SNX24: variants seen among roughly 807,000 people sequenced by gnomAD.
SNX24 encodes the protein sorting nexin-24.
SNX24 carries 22 observed loss-of-function variants against 28.7 expected under a neutral mutation model. The ratio of observed to expected loss-of-function variants is 0.77; its 90% CI spans 0.55 to 1.10. The LOEUF (loss-of-function observed/expected upper bound fraction) is 1.10. Among genes scored for constraint, SNX24 ranks in the 50% least tolerant of loss-of-function variants. SNX24 has a pLI of 0.00. For synonymous variants in SNX24, 69 were observed against 71.5 expected, an observed-to-expected ratio of 0.96 and a Z score of 0.18; for missense variants, 221 against 201.1, an observed-to-expected ratio of 1.10 and a Z score of -0.60.
intron 1 of SNX24, among the ~76,000 whole-genome samples, chr5:122,930,944 G>C (rs890118563): frequency 6.6e-6 from 1 of 152,116 alleles, no homozygotes; most frequent in Non-Finnish European, 1.5e-5. Flanking sequence ...ATGTCGTTTT[G>C]TTAAAAAGTT....
chr5:122,904,540 T>A (rs1757569311), intron 1 of SNX24, among the ~76,000 whole-genome samples: 1 of 152,198 alleles, frequency 6.6e-6, no homozygotes, highest in Non-Finnish European at 1.5e-5. Flanking sequence ...AATTATTTTT[T>A]AATTATTTTA....
chr5:122,901,627 G>A (rs1007787387), intron 1 of SNX24, among the ~76,000 whole-genome samples: 14 of 152,042 alleles, frequency 9.2e-5, no homozygotes, highest in African/African-American at 3.4e-4. Context: ...GGTTTACTTG[G>A]CCTCTCACTC....
chr5:123,009,239 G>A, downstream of SNX24: 1 of 984,140 alleles, frequency 1.0e-6, no homozygotes, highest in South Asian at 4.7e-5. Context: ...GATTTCACTG[G>A]AAACATGGTT....
chr5:122,893,591 A>AT (rs1757075610), intron 1 of SNX24, among the ~76,000 whole-genome samples: 1 of 152,176 alleles, frequency 6.6e-6, no homozygotes, highest in South Asian at 2.1e-4. Context: ...ATGACATTTC[A>AT]TTTTGTATCT....
chr5:122,958,688 C>T (rs1355086969), intron 3 of SNX24, among the ~76,000 whole-genome samples: 1 of 150,912 alleles, frequency 6.6e-6, no homozygotes, highest in East Asian at 2.0e-4. Flanking sequence ...CCTACTTGGT[C>T]ATACTTTATA....
At chr5:122,896,450 A>C (rs1368329381) in intron 1 of SNX24, among the ~76,000 whole-genome samples, 1 of 152,236 alleles carries the variant, frequency 6.6e-6, no homozygotes, top group East Asian at 1.9e-4. Context: ...ACTTAGCTGC[A>C]GCTGGCGAAT....
chr5:122,977,821 C>T (rs919123786), intron 3 of SNX24, among the ~76,000 whole-genome samples: 4 of 152,140 alleles, frequency 2.6e-5, no homozygotes, highest in African/African-American at 9.7e-5. Context: ...ATAGAGAGTT[C>T]TATTGTTTGA....
intron 3 of SNX24, among the ~76,000 whole-genome samples, chr5:122,989,583 AT>A (rs1438973597): frequency 6.6e-6 from 1 of 151,920 alleles, no homozygotes; most frequent in East Asian, 1.9e-4. Context: ...AGGGTATATT[AT>A]TTTCATTAGT....
At chr5:122,914,892 G>T (rs559814793) in intron 1 of SNX24, among the ~76,000 whole-genome samples, 1 of 152,124 alleles carries the variant, frequency 6.6e-6, no homozygotes, top group Admixed American at 6.6e-5. Context: ...GGGAATTTAG[G>T]TATGGATGTG....
intron 1 of SNX24, among the ~76,000 whole-genome samples, chr5:122,878,193 G>T (rs1381547302): frequency 6.6e-6 from 1 of 152,152 alleles, no homozygotes; most frequent in African/African-American, 2.4e-5. Flanking sequence ...CCACTTCCTT[G>T]TTTTGTTCAC....
chr5:122,856,525 C>CTTTTTTT (rs1184957460), intron 1 of SNX24, among the ~76,000 whole-genome samples: 2 of 131,582 alleles, frequency 1.5e-5, no homozygotes, highest in Non-Finnish European at 3.2e-5. Context: ...AGTTCTGTGT[C>CTTTTTTT]TTTTTTTTTT....
chr5:122,940,476 C>T (rs1759393374), intron 2 of SNX24, among the ~76,000 whole-genome samples: 1 of 152,160 alleles, frequency 6.6e-6, no homozygotes, highest in Non-Finnish European at 1.5e-5. Flanking sequence ...TCCACCACAT[C>T]ATAGATATTG....
At chr5:122,845,731 C>T (rs1444031889) in intron 1 of SNX24, 38 bp downstream of exon 1, 3 of 1,283,970 alleles carry the variant, frequency 2.3e-6, no homozygotes, top group Non-Finnish European at 3.0e-6. Flanking sequence ...CCCCGCGAGC[C>T]AGGCCTGCGG....
At chr5:122,959,154 T>A (rs1331427922) in intron 3 of SNX24, among the ~76,000 whole-genome samples, 1 of 152,128 alleles carries the variant, frequency 6.6e-6, no homozygotes, top group Non-Finnish European at 1.5e-5. Flanking sequence ...TGACTATAGA[T>A]TAAATATCCT....
At position 123,007,842 on chromosome 5, in the gene SNX24, A is replaced by T; in HGVS notation, c.*93A>T. ...CAATTTAACCTAAACGCTATGATAT[A>T]TAACAGCTCTAGCTAGTGGTAAAGT... On this transcript the variant is annotated 3_prime_UTR_variant, in exon 7 of 7. Transcript: ENST00000261369. The T allele has an allele frequency of 1.3e-6, 2 of 1,544,800 alleles. No homozygotes were observed. Among genetic ancestry groups the T allele is most frequent in the East Asian group, 2.3e-5 (1 of 43,346 alleles).
chr5:122,856,091 G>T (rs1755177238), intron 1 of SNX24, among the ~76,000 whole-genome samples: 1 of 152,170 alleles, frequency 6.6e-6, no homozygotes. Flanking sequence ...TACCCAATAG[G>T]TAGGTTTTTG....
In SNX24 at chr5:122,999,951, C is replaced by G. The variant is rs1473782412; in HGVS notation, c.289C>G (p.Leu97Val). 6.2e-7 allele frequency: 1 copy of G among 1,613,644 alleles called. No homozygotes were observed. Among genetic ancestry groups the G allele is most frequent in the Admixed American group, 1.7e-5 (1 of 60,010 alleles). Residue 97 changes from leucine to valine, a missense_variant, in exon 4 of 7, where the codon CTT becomes GTT. Physicochemically the swap from Leu to Val is conservative, Grantham distance 32 (BLOSUM62 1). Transcript: ENST00000261369. Reference protein sequence around the residue: ...LENEELPKLFLDFLNVRHLPS... With the variant: ...LENEELPKLFVDFLNVRHLPS... The stretch of plus-strand genomic sequence containing the variant: ...AAATGAAGAACTTCCCAAACTGTTT[C>G]TTGATTTCCTAAATGTGCGACACTT...
intron 5 of SNX24, among the ~76,000 whole-genome samples, chr5:123,027,796 A>C (rs2150189101): frequency 6.6e-6 from 1 of 152,364 alleles, no homozygotes; most frequent in Non-Finnish European, 1.5e-5. Flanking sequence ...TGTTGAATTA[A>C]AAATCTTAAA....
intron 5 of SNX24, among the ~76,000 whole-genome samples, chr5:123,015,467 A>T (rs538926513): frequency 6.6e-6 from 1 of 152,216 alleles, no homozygotes; most frequent in Non-Finnish European, 1.5e-5. Context: ...TTAAATGTCT[A>T]TTCTTTTTAC....
Sources: allele counts gnomAD v4.1 joint callset (sites outside exome capture counted in the v4.1 genomes callset), GRCh38; gene constraint gnomAD v4.1.1; transcripts MANE v1.5; gene names NCBI Gene and HGNC (gene_info 2026-07-23, HGNC 2026-07-21).